CHST11: variants seen among roughly 807,000 people sequenced by gnomAD.
The protein encoded by CHST11 is C4S-1.
In CHST11, 9 loss-of-function variants were observed where a neutral mutation model predicts 30.4. That is an observed-to-expected ratio of 0.30 (90% CI 0.18 to 0.52). The LOEUF (loss-of-function observed/expected upper bound fraction) is 0.52, where lower values mean the gene tolerates loss of function less well. CHST11 is among the 20% of genes least tolerant of loss of function. The pLI is 0.97. For synonymous variants in CHST11, 152 were observed against 187.8 expected, an observed-to-expected ratio of 0.81 and a Z score of 1.56; for missense variants, 348 against 460.6, an observed-to-expected ratio of 0.76 and a Z score of 2.24.
chr12:104,700,050 T>C (rs1377816530), intron 2 of CHST11, among the ~76,000 whole-genome samples: 1 of 152,258 alleles, frequency 6.6e-6, no homozygotes, highest in Non-Finnish European at 1.5e-5. Flanking sequence ...TCCCATTGCC[T>C]GTAATGCATG....
intron 2 of CHST11, among the ~76,000 whole-genome samples, chr12:104,701,679 A>C (rs12314910): frequency 0.12 from 18,541 of 152,240 alleles, 1,313 homozygotes; most frequent in African/African-American, 0.18. Context: ...ACCATTGGAG[A>C]AAAAGTATCT....
At chr12:104,640,721 A>G (rs1173203997) in intron 2 of CHST11, among the ~76,000 whole-genome samples, 1 of 152,196 alleles carries the variant, frequency 6.6e-6, no homozygotes, top group Non-Finnish European at 1.5e-5. Flanking sequence ...TAAACTATGG[A>G]CTTCAATTAA....
At chr12:104,667,546 C>T (rs2039652758) in intron 2 of CHST11, among the ~76,000 whole-genome samples, 1 of 152,218 alleles carries the variant, frequency 6.6e-6, no homozygotes, top group African/African-American at 2.4e-5. Context: ...GCCAAGTGGA[C>T]ACAGGATGGT....
At chr12:104,576,698 G>A (rs1705051965) in intron 1 of CHST11, among the ~76,000 whole-genome samples, 1 of 151,996 alleles carries the variant, frequency 6.6e-6, no homozygotes, top group South Asian at 2.1e-4. Context: ...ATTTAGCCAG[G>A]GCCTTTAAAT....
chr12:104,513,857 C>A (rs140921156), intron 1 of CHST11, among the ~76,000 whole-genome samples: 1 of 152,164 alleles, frequency 6.6e-6, no homozygotes, highest in African/African-American at 2.4e-5. Flanking sequence ...CTGGCAGTGG[C>A]GTCAGAAGGC....
intron 2 of CHST11, among the ~76,000 whole-genome samples, chr12:104,603,483 G>T (rs1269268039): frequency 2.0e-5 from 3 of 152,216 alleles, no homozygotes; most frequent in Non-Finnish European, 4.4e-5. Flanking sequence ...TGGCTCCTCA[G>T]TACCTAACAC....
rs528451937 is a variant in CHST11 at position 104,524,931 on chromosome 12, T to C, written c.118+67402T>C. Among the ~76,000 whole-genome samples the C allele has an allele frequency of 3.3e-5, 5 of 152,320 alleles. No homozygotes were observed. The South Asian group carries it at 6.2e-4, about 19-fold the overall frequency. ...GCAACCATTGTAACACTTTCATTTG[T>C]TTTTATAAACTCAAGTTCTAGAGTT... On this transcript the variant is annotated intron_variant, in intron 1 of 2. Transcript: ENST00000303694.
At chr12:104,638,141 A>G (rs1408270951) in intron 2 of CHST11, among the ~76,000 whole-genome samples, 1 of 152,212 alleles carries the variant, frequency 6.6e-6, no homozygotes, top group African/African-American at 2.4e-5. Flanking sequence ...AGCAGGGGAA[A>G]AGGAGGAGGA....
chr12:104,478,329 C>G (rs773122594), intron 1 of CHST11, among the ~76,000 whole-genome samples: 20 of 152,068 alleles, frequency 1.3e-4, no homozygotes, highest in Non-Finnish European at 2.5e-4. Flanking sequence ...CTAGCCCATA[C>G]CAGAGACCCC....
intron 2 of CHST11, among the ~76,000 whole-genome samples, chr12:104,627,532 G>A (rs944968438): frequency 6.6e-6 from 1 of 152,250 alleles, no homozygotes; most frequent in South Asian, 2.1e-4. Flanking sequence ...GCACCAAACC[G>A]CAATCAACAG....
chr12:104,525,249 C>G (rs112612423), intron 1 of CHST11, among the ~76,000 whole-genome samples: 1,539 of 152,082 alleles, frequency 0.01, 28 homozygotes, highest in African/African-American at 0.035. Context: ...CCTCAGCCTG[C>G]CAAAGTGCTG....
At chr12:104,615,160 G>A (rs1008694859) in intron 2 of CHST11, among the ~76,000 whole-genome samples, 4 of 152,164 alleles carry the variant, frequency 2.6e-5, no homozygotes, top group Middle Eastern at 3.2e-3. Context: ...GGGGTGTGAC[G>A]CCCCGGCCAA....
At chr12:104,679,430 G>C (rs2039773374) in intron 2 of CHST11, among the ~76,000 whole-genome samples, 1 of 152,152 alleles carries the variant, frequency 6.6e-6, no homozygotes, top group Admixed American at 6.5e-5. Context: ...TCCGCGTCCT[G>C]CTCCATATCC....
At chr12:104,504,437 GCAGCAGGTGGGCAGCCCGTGCT>G (rs2037883210) in intron 1 of CHST11, among the ~76,000 whole-genome samples, 2 of 152,224 alleles carry the variant, frequency 1.3e-5, no homozygotes, top group Admixed American at 6.5e-5. Flanking sequence ...CACCTCAGTG[GCAGCAGGTGGGCAGCCCGTGCT>G]GGGCTAGATG....
chr12:104,475,691 T>TATATATATATA (rs6144846), intron 1 of CHST11, among the ~76,000 whole-genome samples: 70 of 127,734 alleles, frequency 5.5e-4, no homozygotes, highest in South Asian at 1.7e-3. Flanking sequence ...TATATATATA[T>TATATATATATA]TTCTGATTAT....
intron 1 of CHST11, among the ~76,000 whole-genome samples, chr12:104,524,805 C>T (rs746276584): frequency 2.0e-4 from 31 of 152,216 alleles, no homozygotes; most frequent in Non-Finnish European, 3.7e-4. Context: ...CTACAGTCTG[C>T]GGTACAGGAT....
intron 1 of CHST11, among the ~76,000 whole-genome samples, chr12:104,489,239 G>C (rs1456276460): frequency 2.0e-5 from 3 of 151,772 alleles, no homozygotes; most frequent in Admixed American, 2.0e-4. Flanking sequence ...GTTTCACCAT[G>C]TTGGCCATGC....
intron 2 of CHST11, among the ~76,000 whole-genome samples, chr12:104,657,360 T>C (rs965443913): frequency 1.3e-4 from 20 of 152,252 alleles, no homozygotes; most frequent in African/African-American, 4.8e-4. Context: ...TTGCTATGTT[T>C]AGCTAATTCT....
At chr12:104,468,345 A>G (rs1013748965) in intron 1 of CHST11, among the ~76,000 whole-genome samples, 10 of 152,184 alleles carry the variant, frequency 6.6e-5, no homozygotes, top group Admixed American at 3.9e-4. Context: ...TTACTCCCCC[A>G]TGGGACTCGT....
Sources: gnomAD v4.1 joint callset for allele counts (sites outside exome capture counted in the v4.1 genomes callset) on GRCh38, gnomAD v4.1.1 for gene constraint, MANE v1.5 for transcripts, NCBI Gene and HGNC (gene_info 2026-07-23, HGNC 2026-07-21) for gene names.